ANKRD17: variants seen among roughly 807,000 people sequenced by gnomAD.
ANKRD17 encodes the protein ankyrin repeat domain 17.
A neutral mutation model predicts 229.7 loss-of-function variants in ANKRD17; 19 were observed. The observed-to-expected ratio is 0.08, with a 90% CI of 0.06 to 0.12. ANKRD17 has a LOEUF of 0.12. Among genes scored for constraint, ANKRD17 ranks in the 10% least tolerant of loss-of-function variants. ANKRD17 has a pLI of 1.00. For missense variants in ANKRD17, 2,176 were observed against 3,176.8 expected, an observed-to-expected ratio of 0.68 and a Z score of 7.57; for synonymous variants, 1,112 against 1,146.1, an observed-to-expected ratio of 0.97 and a Z score of 0.60.
At chr4:73,147,058 T>G (rs1288902497) in intron 9 of ANKRD17, among the ~76,000 whole-genome samples, 183 bp downstream of exon 9, 4 of 152,158 alleles carry the variant, frequency 2.6e-5, no homozygotes, top group Admixed American at 2.6e-4. Context: ...TGGTTGAAAT[T>G]AAAGCTGCAG....
At chr4:73,215,300 G>A (rs971608546) in intron 1 of ANKRD17, among the ~76,000 whole-genome samples, 4 of 150,626 alleles carry the variant, frequency 2.7e-5, no homozygotes, top group African/African-American at 4.9e-5. Flanking sequence ...TTGCTCTGTC[G>A]CCAGGCTTGA....
chr4:73,171,176 G>GGGGAGA (rs1560645761), intron 2 of ANKRD17, among the ~76,000 whole-genome samples: 3 of 63,890 alleles, frequency 4.7e-5, no homozygotes, highest in Non-Finnish European at 6.8e-5. Flanking sequence ...GGCTCAGAGG[G>GGGGAGA]GGGAGAGAGA....
intron 1 of ANKRD17, among the ~76,000 whole-genome samples, chr4:73,200,578 GATTAAA>G (rs932240758): frequency 3.1e-4 from 47 of 152,118 alleles, no homozygotes; most frequent in African/African-American, 1.1e-3. Context: ...CTGCTTAAAA[GATTAAA>G]ATTAATAACT....
At chr4:73,128,251 A>C (rs568193513) in intron 16 of ANKRD17, among the ~76,000 whole-genome samples, 5 of 152,380 alleles carry the variant, frequency 3.3e-5, no homozygotes, top group African/African-American at 9.6e-5. Flanking sequence ...GAAGATCTTG[A>C]TAACAAAATC....
chr4:73,239,051 A>G (rs2149257014), intron 1 of ANKRD17, among the ~76,000 whole-genome samples: 1 of 152,260 alleles, frequency 6.6e-6, no homozygotes, highest in Middle Eastern at 3.4e-3. Context: ...GGTTAAAATT[A>G]TTCAATGTTC....
intron 21 of ANKRD17, among the ~76,000 whole-genome samples, chr4:73,119,659 T>C (rs1399402385): frequency 6.6e-6 from 1 of 152,130 alleles, no homozygotes; most frequent in African/African-American, 2.4e-5. Context: ...TCTTTGAGAG[T>C]GCACGAAAAC....
rs1186559717 is a variant in ANKRD17, at chr4:73,248,270, A to G, written c.393+10006T>C. The stretch of plus-strand genomic sequence containing the variant: ...AATATCAAAAATCACTGAGTATTCC[A>G]GGAGACACTCATAAAAGATATAAAG... On this transcript the variant is annotated intron_variant, in intron 1 of 33. Coordinates refer to ENST00000358602, the MANE Select transcript of ANKRD17 (RefSeq NM_032217.5). Among the ~76,000 whole-genome samples, 3 of 151,952 alleles carry G rather than the reference A, an allele frequency of 2.0e-5. No individual in the cohort carries two copies. The East Asian group carries it at 5.8e-4, about 29-fold the overall frequency.
At chr4:73,225,861 CAAAAAAAAAA>C (rs375866026) in intron 1 of ANKRD17, among the ~76,000 whole-genome samples, 2 of 66,696 alleles carry the variant, frequency 3.0e-5, no homozygotes, top group East Asian at 1.1e-3. Flanking sequence ...GACTCTGTCT[CAAAAAAAAAA>C]AAAAAAAAAA....
chr4:73,092,698 A>G (rs1722904167), intron 28 of ANKRD17, among the ~76,000 whole-genome samples: 1 of 152,234 alleles, frequency 6.6e-6, no homozygotes, highest in Non-Finnish European at 1.5e-5. Context: ...AAAAATATTG[A>G]AACAGTTAAT....
chr4:73,158,188 G>GAAAGAAAGAA (rs779505092), intron 3 of ANKRD17, among the ~76,000 whole-genome samples: 35 of 43,420 alleles, frequency 8.1e-4, no homozygotes, highest in Admixed American at 1.8e-3. Flanking sequence ...AAGAAAGAAA[G>GAAAGAAAGAA]AGAGAGAAAG....
Position 73,146,794 on chromosome 4 carries a change from T to A in ANKRD17, c.1839A>T (p.Ala613=), listed in dbSNP as rs1245195815. 1 of 1,611,814 alleles carries A rather than the reference T, an allele frequency of 6.2e-7. No individual in the cohort carries two copies. Among genetic ancestry groups the A allele is most frequent in the Non-Finnish European group, 8.5e-7 (1 of 1,178,674 alleles). Residue 613 remains alanine (A), a synonymous_variant, in exon 10 of 34, where the codon GCA becomes GCT. Coordinates refer to ENST00000358602, the MANE Select transcript of ANKRD17 (RefSeq NM_032217.5). ...YACENGHTDV[A]DVLLQAGADL... ...CTGCGCCTGCCTGAAGTAAGACATC[T>A]GCTACATCAGTATGACCATTTTCAC...
At chr4:73,235,907 T>C (rs1481523894) in intron 1 of ANKRD17, among the ~76,000 whole-genome samples, 3 of 152,166 alleles carry the variant, frequency 2.0e-5, no homozygotes, top group African/African-American at 7.2e-5. Flanking sequence ...TCTCACTATG[T>C]TTCCCAGGCT....
intron 1 of ANKRD17, among the ~76,000 whole-genome samples, chr4:73,181,145 T>C (rs1393000344): frequency 6.6e-6 from 1 of 152,170 alleles, no homozygotes; most frequent in African/African-American, 2.4e-5. Context: ...TAAAGGTATA[T>C]TTTATAGATC....
intron 1 of ANKRD17, among the ~76,000 whole-genome samples, chr4:73,237,566 T>C (rs1275430882): frequency 6.6e-6 from 1 of 152,126 alleles, no homozygotes; most frequent in Non-Finnish European, 1.5e-5. Context: ...GAAGAAAAGG[T>C]ACAAGTGAAA....
chr4:73,202,094 T>C (rs1468038384), intron 1 of ANKRD17, among the ~76,000 whole-genome samples: 1 of 152,114 alleles, frequency 6.6e-6, no homozygotes, highest in Non-Finnish European at 1.5e-5. Flanking sequence ...AGGTCTACTT[T>C]AGCATAATTC....
chr4:73,139,984 G>A lies in ANKRD17; in HGVS notation c.2632C>T (p.Leu878=). The A allele has an allele frequency of 6.2e-7, 1 of 1,614,176 alleles. No homozygotes were observed. Among genetic ancestry groups the A allele is most frequent in the Non-Finnish European group, 8.5e-7 (1 of 1,180,042 alleles). ...ELQKVERELQ[L]KTQQQLKKQY... Reference sequence around the variant, plus strand: ...TTTTTTAGCTGCTGCTGAGTTTTCAGTTGTAACTCTCGTTCTACTTTCTGT... The same window carrying A: ...TTTTTTAGCTGCTGCTGAGTTTTCAATTGTAACTCTCGTTCTACTTTCTGT... The change falls in exon 15 of 34, where the codon CTG becomes TTG. Residue 878 remains leucine, a synonymous_variant. Coordinates refer to ENST00000358602, the MANE Select transcript of ANKRD17 (RefSeq NM_032217.5).
In ANKRD17 at chr4:73,176,209, C is replaced by T. The variant is rs75969803; in HGVS notation, c.547+1171G>A. Among the ~76,000 whole-genome samples the T allele has an allele frequency of 1.2e-4, 18 of 152,254 alleles. No homozygotes were observed. In the East Asian group the frequency reaches 3.1e-3, roughly 26 times the overall value. ...AAATACACATATGAAAAGGTATCAA[C>T]ATCACTGATCATCAGAAAAACGCAA... On this transcript the variant is annotated intron_variant, in intron 2 of 33. Transcript: ENST00000358602.
intron 15 of ANKRD17, among the ~76,000 whole-genome samples, 175 bp downstream of exon 15, chr4:73,139,356 T>TA (rs1412809675): frequency 1.3e-5 from 2 of 152,246 alleles, no homozygotes; most frequent in African/African-American, 4.8e-5. Flanking sequence ...AGCTAATCTT[T>TA]AATTTGACCT....
intron 1 of ANKRD17, among the ~76,000 whole-genome samples, chr4:73,225,668 G>C (rs891299991): frequency 4.0e-5 from 6 of 151,850 alleles, no homozygotes; most frequent in Admixed American, 2.6e-4. Context: ...AGAAGAGTCT[G>C]ACTAACATGG....
Sources: allele counts gnomAD v4.1 joint callset (sites outside exome capture counted in the v4.1 genomes callset), GRCh38; gene constraint gnomAD v4.1.1; transcripts MANE v1.5; gene names NCBI Gene and HGNC (gene_info 2026-07-23, HGNC 2026-07-21).